VWA3B: variants seen among roughly 807,000 people sequenced by gnomAD.
VWA3B encodes von Willebrand factor A domain containing 3B, also known as von Willebrand factor A domain-containing protein 3B.
In VWA3B, 138 loss-of-function variants were observed where a neutral mutation model predicts 158.3. The ratio of observed to expected loss-of-function variants is 0.87; its 90% CI spans 0.76 to 1.00. VWA3B has a LOEUF of 1.00. VWA3B is among the 50% of genes least tolerant of loss of function. The pLI is 0.00. For missense variants in VWA3B, 1,555 were observed against 1,565.1 expected (o/e 0.99, Z 0.11); for synonymous variants, 596 against 587.3 (o/e 1.01, Z -0.21).
Position 98,242,502 on chromosome 2 carries a change from A to G in VWA3B, c.2673+5772A>G, listed in dbSNP as rs1686138306. Among the ~76,000 whole-genome samples the G allele has an allele frequency of 3.3e-5, 5 of 151,880 alleles. No individual in the cohort carries two copies. The South Asian group carries it at 1.0e-3, about 32-fold the overall frequency. The stretch of plus-strand genomic sequence containing the variant: ...AAAAGCATTGAAATAATTTGGGAAA[A>G]TTGGTCTGCACCACTGGAGAGTCTA... On this transcript the variant is annotated intron_variant, in intron 19 of 27. Transcript: ENST00000477737.
chr2:98,133,538 T>C lies in VWA3B; in HGVS notation c.873-286T>C, dbSNP rs143179663. 56 of 386,524 alleles carry C rather than the reference T, an allele frequency of 1.4e-4. No homozygotes were observed. In the East Asian group the frequency reaches 2.4e-3, roughly 17 times the overall value. The allele number at this position is 386,524 out of a possible 1,614,324, so 23.9% of individuals were successfully genotyped here. The stretch of plus-strand genomic sequence containing the variant: ...AGAGAAAGAATATAAGCATAGAGTG[T>C]CATTTTCCCAGGACCAAGAAATACC... On this transcript the variant is annotated intron_variant, in intron 6 of 27. Coordinates refer to ENST00000477737, the MANE Select transcript of VWA3B (RefSeq NM_144992.5).
chr2:98,252,304 C>A (rs1278054322), intron 20 of VWA3B, among the ~76,000 whole-genome samples: 1 of 152,160 alleles, frequency 6.6e-6, no homozygotes, highest in Non-Finnish European at 1.5e-5. Flanking sequence ...TATGACTATT[C>A]AAATTTAATT....
intron 13 of VWA3B, among the ~76,000 whole-genome samples, chr2:98,213,297 G>T (rs1683697530): frequency 6.6e-6 from 1 of 152,160 alleles, no homozygotes; most frequent in Non-Finnish European, 1.5e-5. Flanking sequence ...ATATTAGAAG[G>T]GTGGTGTCAC....
At chr2:98,186,552 C>G (rs540204329) in intron 9 of VWA3B, among the ~76,000 whole-genome samples, 1 of 152,168 alleles carries the variant, frequency 6.6e-6, no homozygotes, top group Non-Finnish European at 1.5e-5. Flanking sequence ...GATTGCAACT[C>G]CACCCTTTCC....
chr2:98,140,632 G>A (rs887578783), intron 7 of VWA3B, among the ~76,000 whole-genome samples: 1 of 152,178 alleles, frequency 6.6e-6, no homozygotes, highest in African/African-American at 2.4e-5. Context: ...CTGCTGGAGA[G>A]GGTAAGGGGC....
chr2:98,313,370 T>C (rs1691016321), downstream of VWA3B: 1 of 151,964 alleles, frequency 6.6e-6, no homozygotes. Context: ...GAGGGAATTG[T>C]TTGAAACAAG....
intron 21 of VWA3B, among the ~76,000 whole-genome samples, chr2:98,266,831 G>C (rs1276938886): frequency 1.8e-4 from 26 of 146,200 alleles, no homozygotes; most frequent in African/African-American, 6.3e-4. Flanking sequence ...GTTCACTCAT[G>C]ATTTGGCTCT....
At chr2:98,226,699 T>C (rs1377112516) in intron 14 of VWA3B, among the ~76,000 whole-genome samples, 1 of 150,764 alleles carries the variant, frequency 6.6e-6, no homozygotes, top group Non-Finnish European at 1.5e-5. Flanking sequence ...ATCTAGAATA[T>C]ATGAAGAACT....
At chr2:98,141,828 C>T (rs1236219020) in intron 7 of VWA3B, among the ~76,000 whole-genome samples, 1 of 152,150 alleles carries the variant, frequency 6.6e-6, no homozygotes, top group Non-Finnish European at 1.5e-5. Flanking sequence ...CCTCTCTGCC[C>T]ACCAGTTAGT....
intron 22 of VWA3B, among the ~76,000 whole-genome samples, chr2:98,286,196 A>T (rs961478950): frequency 5.9e-5 from 9 of 152,150 alleles, no homozygotes; most frequent in African/African-American, 2.2e-4. Flanking sequence ...GAGTTTTCAC[A>T]TACAGAATCA....
chr2:98,165,191 A>G (rs982521434), intron 8 of VWA3B, among the ~76,000 whole-genome samples: 1 of 152,238 alleles, frequency 6.6e-6, no homozygotes, highest in Admixed American at 6.5e-5. Flanking sequence ...CACATCAGGC[A>G]CTGTTTAAGG....
intron 23 of VWA3B, among the ~76,000 whole-genome samples, chr2:98,294,212 A>C (rs1689662727): frequency 1.3e-5 from 2 of 151,154 alleles, no homozygotes; most frequent in African/African-American, 2.4e-5. Flanking sequence ...ACAAAAAAAA[A>C]AAAAAAAAAA....
At position 98,115,708 on chromosome 2, in the gene VWA3B, C is replaced by T. The variant is rs1474787610; in HGVS notation, c.253C>T (p.Pro85Ser). 6.2e-7 allele frequency: 1 copy of T among 1,613,622 alleles called. No homozygotes were observed. The highest frequency in any genetic ancestry group is 8.5e-7 in the Non-Finnish European group (1 of 1,180,006). The change falls in exon 3 of 28, where the codon CCA (proline) becomes TCA (serine). Residue 85 changes from proline (P) to serine (S), a missense_variant. Transcript: ENST00000477737. Reference sequence around the variant, plus strand: ...TTCTCGGTATGCTGATGGTCTGTTTCCACAGCTCTACAGAGCAGAAGATGG... The same window carrying T: ...TTCTCGGTATGCTGATGGTCTGTTTTCACAGCTCTACAGAGCAGAAGATGG... The part of the protein sequence containing the change: ...VASRYADGLF[P>S]QLYRAEDGRV...
chr2:98,325,172 T>A, the VWA3B span, among the ~76,000 whole-genome samples: 2 of 152,152 alleles, frequency 1.3e-5, no homozygotes, highest in Non-Finnish European at 2.9e-5. Context: ...AATTTATAGA[T>A]CCAAGAAGTT....
At chr2:98,288,797 A>G (rs1689318336) in intron 22 of VWA3B, among the ~76,000 whole-genome samples, 1 of 152,152 alleles carries the variant, frequency 6.6e-6, no homozygotes, top group Admixed American at 6.5e-5. Flanking sequence ...AATATACATA[A>G]GCCTCTACTT....
At chr2:98,271,579 T>C (rs1293961230) in intron 22 of VWA3B, among the ~76,000 whole-genome samples, 1 of 152,218 alleles carries the variant, frequency 6.6e-6, no homozygotes, top group East Asian at 1.9e-4. Context: ...ATTGTCAGAT[T>C]CATATGGGTG....
At position 98,300,870 on chromosome 2, in the gene VWA3B, A is replaced by T. The variant is rs546742147; in HGVS notation, c.3420+654A>T. Reference sequence around the variant, plus strand: ...TCTGTGTCCCCTGTATTGGGGTGCTACTACCTGGTTCCCCATCTCCTACTT... The same window carrying T: ...TCTGTGTCCCCTGTATTGGGGTGCTTCTACCTGGTTCCCCATCTCCTACTT... On this transcript the variant is annotated intron_variant, in intron 25 of 27. Coordinates refer to ENST00000477737, the MANE Select transcript of VWA3B (RefSeq NM_144992.5). Among the ~76,000 whole-genome samples the T allele has an allele frequency of 2.0e-5, 3 of 152,152 alleles. No homozygotes were observed. The South Asian group carries it at 6.2e-4, about 32-fold the overall frequency.
Position 98,087,178 on chromosome 2 carries a change from TCA to T in VWA3B, c.-215_-214del, listed in dbSNP as rs1681919973. 6.6e-6 allele frequency: 1 copy of T among 152,104 alleles called. No individual in the cohort carries two copies. The highest frequency in any genetic ancestry group is 1.5e-5 in the Non-Finnish European group (1 of 68,024). The allele number at this position is 152,104 out of a possible 1,614,324, so 9.4% of individuals were successfully genotyped here. ...CCGCGCTCGGAACCAGAGGCGCGGG[TCA>T]CAGAGACCTAGAACAGCTGGAATCC... On this transcript the variant is annotated 5_prime_UTR_variant, in exon 1 of 28. Transcript: ENST00000477737.
chr2:98,223,726 A>C (rs1482770822), intron 14 of VWA3B, among the ~76,000 whole-genome samples: 2 of 152,098 alleles, frequency 1.3e-5, no homozygotes, highest in African/African-American at 4.8e-5. Context: ...TTTTACTTTT[A>C]TTTTATTTTA....
Sources: allele counts gnomAD v4.1 joint callset (sites outside exome capture counted in the v4.1 genomes callset), GRCh38; gene constraint gnomAD v4.1.1; transcripts MANE v1.5; gene names NCBI Gene and HGNC (gene_info 2026-07-23, HGNC 2026-07-21).